The following SCARF2 variants were observed in gnomAD, a reference collection of about 807,000 sequenced individuals.
SCARF2 encodes the protein scavenger receptor class F member 2, also known as scavenger receptor expressed by endothelial cells 2 protein.
A neutral mutation model predicts 73.4 loss-of-function variants in SCARF2; 39 were observed. The observed-to-expected ratio is 0.53, with a 90% CI of 0.41 to 0.69. SCARF2 has a LOEUF of 0.69. SCARF2 is among the 30% of genes least tolerant of loss of function. SCARF2 has a pLI of 0.00. For synonymous variants in SCARF2, 605 were observed against 590.0 expected, an observed-to-expected ratio of 1.03 and a Z score of -0.37; for missense variants, 1,148 against 1,303.5, an observed-to-expected ratio of 0.88 and a Z score of 1.84.
Position 20,425,281 on chromosome 22 carries a change from T to G in SCARF2, c.*94A>C. Reference sequence around the variant, plus strand: ...CGCTAGCCGCGCGGTGCCCGGCCAATAGGAGGCCGCCCGTGCCCGGTAGCG... The same window carrying G: ...CGCTAGCCGCGCGGTGCCCGGCCAAGAGGAGGCCGCCCGTGCCCGGTAGCG... On this transcript the variant is annotated 3_prime_UTR_variant, in exon 11 of 11. Coordinates refer to ENST00000622235, the MANE Select transcript of SCARF2 (RefSeq NM_182895.5). The surrounding 1 kb of genome is among the most constrained non-coding windows in gnomAD (Gnocchi z 4.6). 9.0e-7 allele frequency: 1 copy of G among 1,116,232 alleles called. No individual in the cohort carries two copies. Among genetic ancestry groups the G allele is most frequent in the Non-Finnish European group, 1.2e-6 (1 of 860,006 alleles). The allele number at this position is 1,116,232 out of a possible 1,614,324, so 69.1% of individuals were successfully genotyped here. A position where few individuals can be genotyped will look rare whatever the true frequency, so the allele number is the denominator to read the frequency against.
At chr22:20,434,357 G>A (rs189275975) in intron 1 of SCARF2, among the ~76,000 whole-genome samples, 17 of 152,262 alleles carry the variant, frequency 1.1e-4, no homozygotes, top group African/African-American at 2.6e-4. Flanking sequence ...GAAAGAGAGC[G>A]CGCGCCAAGA....
chr22:20,430,045 G>C (rs551888869), intron 6 of SCARF2: 8 of 623,566 alleles, frequency 1.3e-5, no homozygotes, highest in African/African-American at 3.7e-5. Context: ...CAACACTAGT[G>C]GGGGGGCCTG....
rs906949134 is a variant in SCARF2 at position 20,430,831 on chromosome 22, C to T, written c.932G>A (p.Gly311Glu). ...RCLTCEPGWN[G>E]TKCDQPCATG... ...GGCGCAAGGCTGGTCGCACTTGGTT[C>T]CGTTCCAGCCGGGCTCGCACGTCAA... Residue 311 changes from glycine (G) to glutamate (E), a missense_variant, in exon 5 of 11, where the codon GGA becomes GAA. Transcript: ENST00000622235. 8.1e-6 allele frequency: 13 copies of T among 1,607,148 alleles called. No homozygotes were observed. Among genetic ancestry groups the T allele is most frequent in the Non-Finnish European group, 1.0e-5 (12 of 1,178,030 alleles).
chr22:20,427,155 C>T (rs1023134350), intron 10 of SCARF2, among the ~76,000 whole-genome samples: 8 of 152,312 alleles, frequency 5.3e-5, no homozygotes, highest in African/African-American at 1.4e-4. Context: ...CTTCTCTCTG[C>T]CTACTTTCCC....
intron 4 of SCARF2, 30 bp from the exon 5 acceptor site, chr22:20,430,938 C>T: frequency 1.9e-6 from 3 of 1,562,366 alleles, no homozygotes; most frequent in Non-Finnish European, 2.6e-6. Context: ...CTAGGGAAGG[C>T]TGGGACCCGC....
At chr22:20,428,728 G>A (rs1183324203) in intron 9 of SCARF2, among the ~76,000 whole-genome samples, 1 of 152,156 alleles carries the variant, frequency 6.6e-6, no homozygotes, top group Non-Finnish European at 1.5e-5. Flanking sequence ...AGTCAGCATG[G>A]AGAGAAGCGG....
At chr22:20,434,887 C>G (rs1157609216) in intron 1 of SCARF2, among the ~76,000 whole-genome samples, 1 of 152,232 alleles carries the variant, frequency 6.6e-6, no homozygotes, top group Non-Finnish European at 1.5e-5. Flanking sequence ...AGACCCCACA[C>G]CAGCCCGACC....
At position 20,427,486 on chromosome 22, in the gene SCARF2, C is replaced by G; in HGVS notation, c.1605G>C (p.Glu535Asp). 6.2e-7 allele frequency: 1 copy of G among 1,614,054 alleles called. No individual in the cohort carries two copies. The highest frequency in any genetic ancestry group is 8.5e-7 in the Non-Finnish European group (1 of 1,179,988). Residue 535 changes from glutamate to aspartate, a missense_variant, in exon 10 of 11, where the codon GAG (glutamate) becomes GAC (aspartate). Coordinates refer to ENST00000622235, the MANE Select transcript of SCARF2 (RefSeq NM_182895.5). The part of the protein sequence containing the change: ...CSFLEPPSGL[E>D]QPSPSWSSRA... Reference sequence around the variant, plus strand: ...GAGAGGACCAGGATGGTGAGGGCTGCTCCAGCCCTGAGGGTGGCTCCAGGA... The same window carrying G: ...GAGAGGACCAGGATGGTGAGGGCTGGTCCAGCCCTGAGGGTGGCTCCAGGA...
At position 20,431,068 on chromosome 22, in the gene SCARF2, G is replaced by T; in HGVS notation, c.804C>A (p.Tyr268Ter). 1 of 1,553,346 alleles carries T rather than the reference G, an allele frequency of 6.4e-7. No individual in the cohort carries two copies. The highest frequency in any genetic ancestry group is 8.6e-7 in the Non-Finnish European group (1 of 1,157,094). The change falls in exon 4 of 11, where the codon TAC becomes TAA. Residue 268 changes from tyrosine to a stop codon, truncating the protein, a stop_gained. Transcript: ENST00000622235. LOFTEE classifies it high-confidence loss of function. ...AGCCGGCGGGGCACGGCTCGCGACA[G>T]TACTTGCCGCGGTAGCCCGGCTCGC... ...CACEPGYRGK[Y>*]CREPCPAGFY... is the part of the protein sequence containing the mutation.
At chr22:20,433,955 C>G (rs1558170) in intron 1 of SCARF2, among the ~76,000 whole-genome samples, 50,389 of 152,162 alleles carry the variant, frequency 0.33, 8,773 homozygotes, top group Non-Finnish European at 0.37. Flanking sequence ...CACTAACCCC[C>G]TTCTGCCCTG....
In SCARF2 at chr22:20,429,683, T is replaced by C. The variant is rs764283537; in HGVS notation, c.1307-30A>G. The C allele has an allele frequency of 5.0e-6, 8 of 1,613,876 alleles. No individual in the cohort carries two copies. Among genetic ancestry groups the C allele is most frequent in the African/African-American group, 1.3e-5 (1 of 74,934 alleles). On this transcript the variant is annotated intron_variant, in intron 7 of 10. Coordinates refer to ENST00000622235, the MANE Select transcript of SCARF2 (RefSeq NM_182895.5). This position sits in a 1 kb window ranked among gnomAD's most constrained non-coding sequence, Gnocchi z 5.2. The stretch of plus-strand genomic sequence containing the variant: ...AGGGGGTTATGGGGTCAGCGCGGTT[T>C]CTGGCACCCCCTGCATTCCTTAACG...
Position 20,426,040 on chromosome 22 carries a change from A to G in SCARF2, c.1936T>C (p.Ser646Pro). The change falls in exon 11 of 11, where the codon TCG becomes CCG. Residue 646 changes from serine (S) to proline (P), a missense_variant. By Grantham distance (74) the Ser-to-Pro change is moderately conservative (BLOSUM62 -1). Around this residue, in one of 5 missense-constraint regions of SCARF2, gnomAD observed 437 missense variants for 433.6 expected, o/e 1.01. Coordinates refer to ENST00000622235, the MANE Select transcript of SCARF2 (RefSeq NM_182895.5). ...ARGEIGGLSL[S>P]PSPERRKPPP... is the part of the protein sequence containing the mutation. ...GGTTTCCTGCGCTCGGGCGATGGCGACAGCGACAGGCCCCCAATCTCGCCC... is the reference window on the plus strand; with the variant it reads ...GGTTTCCTGCGCTCGGGCGATGGCGGCAGCGACAGGCCCCCAATCTCGCCC... 6.3e-7 allele frequency: 1 copy of G among 1,576,648 alleles called. No homozygotes were observed. The highest frequency in any genetic ancestry group is 2.4e-5 in the East Asian group (1 of 41,860).
chr22:20,430,592 G>A (rs761714251), intron 5 of SCARF2, 35 bp from the exon 6 acceptor site: 1 of 1,611,662 alleles, frequency 6.2e-7, no homozygotes, highest in Non-Finnish European at 8.5e-7. Flanking sequence ...AGCAGAAATG[G>A]AGGCAAACGG....
At chr22:20,432,128 G>A in intron 1 of SCARF2, 140 bp from the exon 2 acceptor site, 1 of 877,700 alleles carries the variant, frequency 1.1e-6, no homozygotes. Context: ...ATGAGGTCCT[G>A]CCAGGCAGTC....
In SCARF2 at chr22:20,425,777, G is replaced by A; in HGVS notation, c.2199C>T (p.Leu733=). Residue 733 remains leucine (L), a synonymous_variant, in exon 11 of 11, where the codon CTC becomes CTT. Transcript: ENST00000622235. This position sits in a 1 kb window ranked among gnomAD's most constrained non-coding sequence, Gnocchi z 4.6. ...GGGCCCTGGGCGGCGAGGGCGCAGCGAGGGCTGTCGCCTCCTCGGGCAGCC... is the reference window on the plus strand; with the variant it reads ...GGGCCCTGGGCGGCGAGGGCGCAGCAAGGGCTGTCGCCTCCTCGGGCAGCC... ...PPGLPEEATA[L]AAPSPPRARA... is the part of the protein sequence containing the mutation. The A allele has an allele frequency of 7.3e-7, 1 of 1,373,786 alleles. No homozygotes were observed. The highest frequency in any genetic ancestry group is 9.4e-7 in the Non-Finnish European group (1 of 1,067,590). The allele number at this position is 1,373,786 out of a possible 1,614,324, so 85.1% of individuals were successfully genotyped here. A position where few individuals can be genotyped will look rare whatever the true frequency, so the allele number is the denominator to read the frequency against.
chr22:20,433,376 A>G (rs1350779760), intron 1 of SCARF2, among the ~76,000 whole-genome samples: 3 of 152,226 alleles, frequency 2.0e-5, no homozygotes, highest in Non-Finnish European at 4.4e-5. Flanking sequence ...GCTTGGATTC[A>G]GTATCTGAAT....
At position 20,429,016 on chromosome 22, in the gene SCARF2, C is replaced by G. The variant is rs2052611155; in HGVS notation, c.1540+209G>C. ...CATATGCCCACATCAGCCGGCGCAC[C>G]TAGGACTCCTGCCTTCCTACCTTGC... On this transcript the variant is annotated intron_variant, in intron 9 of 10. Coordinates refer to ENST00000622235, the MANE Select transcript of SCARF2 (RefSeq NM_182895.5). This position sits in a 1 kb window ranked among gnomAD's most constrained non-coding sequence, Gnocchi z 5.2. 6.6e-6 allele frequency among the ~76,000 whole-genome samples: 1 copy of G among 152,148 alleles called. No individual in the cohort carries two copies. Among genetic ancestry groups the G allele is most frequent in the African/African-American group, 2.4e-5 (1 of 41,426 alleles).
intron 1 of SCARF2, among the ~76,000 whole-genome samples, chr22:20,433,508 C>A (rs140011152): frequency 6.6e-6 from 1 of 152,172 alleles, no homozygotes; most frequent in African/African-American, 2.4e-5. Flanking sequence ...TGCTCCTGCC[C>A]AGGCTTCCGA....
Position 20,429,604 on chromosome 22 carries a change from C to A in SCARF2, c.1356G>T (p.Leu452=), listed in dbSNP as rs2146127226. The change falls in exon 8 of 11, where the codon CTG becomes CTT. Residue 452 remains leucine (L), a synonymous_variant. Transcript: ENST00000622235. This position sits in a 1 kb window ranked among gnomAD's most constrained non-coding sequence, Gnocchi z 5.2. ...GCAGCGAGAGCAGCAGGCAGACGAG[C>A]AGGACGAGCAGCGCGCCCGCGCCCA... is the stretch of plus-strand genomic sequence containing the variant. ...GVMGAGALLV[L]LVCLLLSLLG... 6.2e-7 allele frequency: 1 copy of A among 1,613,590 alleles called. No homozygotes were observed. The highest frequency in any genetic ancestry group is 2.2e-5 in the East Asian group (1 of 44,864).
Sources: gnomAD v4.1 joint callset for allele counts (sites outside exome capture counted in the v4.1 genomes callset) on GRCh38, gnomAD v4.1.1 for gene constraint, gnomAD v4.1.1 regional missense constraint, Gnocchi (gnomAD v3.1) non-coding constraint, MANE v1.5 for transcripts, NCBI Gene and HGNC (gene_info 2026-07-23, HGNC 2026-07-21) for gene names.